IPO4: variants seen among roughly 807,000 people sequenced by gnomAD.
IPO4 encodes the protein importin 4, also known as importin-4.
A neutral mutation model predicts 133.5 loss-of-function variants in IPO4; 91 were observed. The observed-to-expected ratio is 0.68, with a 90% confidence interval of 0.58 to 0.81. IPO4 has a LOEUF of 0.81. Among genes scored for constraint, IPO4 ranks in the 30% least tolerant of loss-of-function variants. The pLI, the probability that IPO4 is intolerant of heterozygous loss-of-function variation, is 0.00. For missense variants in IPO4, 1,279 were observed against 1,386.2 expected, an observed-to-expected ratio of 0.92 and a Z score of 1.23; for synonymous variants, 607 against 581.6, an observed-to-expected ratio of 1.04 and a Z score of -0.63.
rs767137886 is a variant in IPO4 at position 24,182,374 on chromosome 14, G to A, written c.2502C>T (p.His834=). 31 of 1,613,212 alleles carry A rather than the reference G, an allele frequency of 1.9e-5. No homozygotes were observed. Among genetic ancestry groups the A allele is most frequent in the Admixed American group, 1.5e-4 (9 of 59,910 alleles). The part of the protein sequence containing the change: ...QAEYDAMLLE[H]AGEAIPALAA... ...CCAGGGCAGGGATGGCCTCTCCAGC[G>A]TGCTCCAGCAACATGGCGTCGTATT... The change falls in exon 25 of 30, where the codon CAC becomes CAT. Residue 834 remains histidine, a synonymous_variant. Coordinates refer to ENST00000354464, the MANE Select transcript of IPO4 (RefSeq NM_024658.4).
chr14:24,182,705 C>T (rs372157398), intron 24 of IPO4, 87 bp downstream of exon 24: 1 of 1,496,980 alleles, frequency 6.7e-7, no homozygotes. Flanking sequence ...CTGGCTGCCC[C>T]AGGCCAAGCC....
rs759282776 is a variant in IPO4, at chr14:24,182,373, C to G, written c.2503G>C (p.Ala835Pro). Residue 835 changes from alanine (A) to proline (P), a missense_variant, in exon 25 of 30, where the codon GCT (alanine) becomes CCT (proline). Around this residue, in one of 3 missense-constraint regions of IPO4, gnomAD observed 575 missense variants for 653.4 expected, o/e 0.88. Coordinates refer to ENST00000354464, the MANE Select transcript of IPO4 (RefSeq NM_024658.4). ...AEYDAMLLEH[A>P]GEAIPALAAA... is the part of the protein sequence containing the mutation. Reference sequence around the variant, plus strand: ...GCCAGGGCAGGGATGGCCTCTCCAGCGTGCTCCAGCAACATGGCGTCGTAT... The same window carrying G: ...GCCAGGGCAGGGATGGCCTCTCCAGGGTGCTCCAGCAACATGGCGTCGTAT... The G allele has an allele frequency of 6.2e-7, 1 of 1,613,184 alleles. No homozygotes were observed.
intron 20 of IPO4, 22 bp downstream of exon 20, chr14:24,183,568 C>T (rs1266002472): frequency 6.2e-6 from 10 of 1,614,024 alleles, no homozygotes; most frequent in African/African-American, 2.7e-5. Flanking sequence ...GTTTTCAGTG[C>T]CAGGGAAGGG....
intron 23 of IPO4, 26 bp from the exon 24 acceptor site, chr14:24,182,868 G>A: frequency 6.2e-7 from 1 of 1,611,824 alleles, no homozygotes; most frequent in Non-Finnish European, 8.5e-7. Context: ...CAACTTAGCG[G>A]AGCTTTCACG....
chr14:24,182,170 G>A lies in IPO4; in HGVS notation c.2599-7C>T. ...CCACTGTGCAGCCCTGTTTCTGATG[G>A]GGGAGAACAGGAAGGAGTACAGATC... On this transcript the variant is annotated splice_polypyrimidine_tract_variant and splice_region_variant and intron_variant, in intron 25 of 29. Coordinates refer to ENST00000354464, the MANE Select transcript of IPO4 (RefSeq NM_024658.4). The A allele has an allele frequency of 6.2e-7, 1 of 1,614,014 alleles. No individual in the cohort carries two copies. Among genetic ancestry groups the A allele is most frequent in the South Asian group, 1.1e-5 (1 of 91,082 alleles).
Position 24,183,839 on chromosome 14 carries a change from T to C in IPO4, c.1929A>G (p.Glu643=), listed in dbSNP as rs1594439468. ...CATCCTCATCCATGAGCTCCTCCTC[T>C]TCTTCCCCATCACTCTCATCGTCAA... ...LLFDDESDGE[E]EEELMDEDVE... Residue 643 remains glutamate, a synonymous_variant, in exon 19 of 30, where the codon GAA becomes GAG. Coordinates refer to ENST00000354464, the MANE Select transcript of IPO4 (RefSeq NM_024658.4). 1 of 1,614,108 alleles carries C rather than the reference T, an allele frequency of 6.2e-7. No homozygotes were observed. Among genetic ancestry groups the C allele is most frequent in the Non-Finnish European group, 8.5e-7 (1 of 1,180,012 alleles).
At position 24,184,920 on chromosome 14, in the gene IPO4, T is replaced by A. The variant is rs765613556; in HGVS notation, c.1469A>T (p.Asn490Ile). The A allele has an allele frequency of 6.2e-7, 1 of 1,613,808 alleles. No individual in the cohort carries two copies. The highest frequency in any genetic ancestry group is 8.5e-7 in the Non-Finnish European group (1 of 1,179,974). The change falls in exon 15 of 30, where the codon AAC becomes ATC. Residue 490 changes from asparagine (N) to isoleucine (I), a missense_variant. Around this residue, in one of 3 missense-constraint regions of IPO4, gnomAD observed 695 missense variants for 704.1 expected, o/e 0.99. Transcript: ENST00000354464. ...LMECMLQLLR[N>I]PSSPRAKELA... The stretch of plus-strand genomic sequence containing the variant: ...CTCCTTGGCCCGGGGACTGCTGGGG[T>A]TCCTCAGAAGCTGCAGCATGCATTC...
At chr14:24,184,237 G>A in intron 17 of IPO4, 61 bp downstream of exon 17, 1 of 1,563,662 alleles carries the variant, frequency 6.4e-7, no homozygotes, top group Non-Finnish European at 8.7e-7. Context: ...ATTCCAGTGG[G>A]TCCAGTGGGA....
At position 24,186,997 on chromosome 14, in the gene IPO4, C is replaced by A. The variant is rs769317223; in HGVS notation, c.655-18G>T. 1.9e-6 allele frequency: 3 copies of A among 1,613,178 alleles called. No homozygotes were observed. The highest frequency in any genetic ancestry group is 2.7e-5 in the African/African-American group (2 of 74,902). ...GCCTTTGCCTGACAGACAAACAAGG[C>A]ACAAGGTTACCATGCTCTTCTTCAG... On this transcript the variant is annotated intron_variant, in intron 7 of 29. Transcript: ENST00000354464.
chr14:24,183,282 C>T lies in IPO4; in HGVS notation c.2195G>A (p.Cys732Tyr). ...GQFCCALHKA[C>Y]QSCPSEPNTA... ...GTTGGGTTCCGAGGGGCAGCTTTGA[C>T]AGGCCTTGTGCAGTGCACAGCAAAA... Residue 732 changes from cysteine to tyrosine, a missense_variant, in exon 22 of 30, where the codon TGT becomes TAT. By Grantham distance (194) the Cys-to-Tyr change is radical (BLOSUM62 -2). Coordinates refer to ENST00000354464, the MANE Select transcript of IPO4 (RefSeq NM_024658.4). 2 of 1,613,632 alleles carry T rather than the reference C, an allele frequency of 1.2e-6. No homozygotes were observed. Among genetic ancestry groups the T allele is most frequent in the Non-Finnish European group, 8.5e-7 (1 of 1,179,828 alleles).
rs1275390818 is a variant in IPO4, at chr14:24,188,390, G to T, written c.190C>A (p.Arg64=). 6.2e-7 allele frequency: 1 copy of T among 1,612,758 alleles called. No homozygotes were observed. The highest frequency in any genetic ancestry group is 1.1e-5 in the South Asian group (1 of 91,078). Residue 64 remains arginine (R), a synonymous_variant, in exon 3 of 30, where the codon CGA becomes AGA. Coordinates refer to ENST00000354464, the MANE Select transcript of IPO4 (RefSeq NM_024658.4). The stretch of plus-strand genomic sequence containing the variant: ...AGCCGTCGCCAGCGGGTGTTCAGTC[G>T]TCTGCGGGTCAGCACGGCCGCAAAC... ...RQFAAVLTRR[R]LNTRWRRLAA... is the part of the protein sequence containing the mutation.
intron 2 of IPO4, 21 bp downstream of exon 2, chr14:24,188,531 G>T: frequency 6.2e-7 from 1 of 1,610,484 alleles, no homozygotes; most frequent in Non-Finnish European, 8.5e-7. Flanking sequence ...GAAGCTCGGA[G>T]GGGAGAGTCA....
At position 24,188,573 on chromosome 14, in the gene IPO4, T is replaced by A. The variant is rs966251694; in HGVS notation, c.135A>T (p.Leu45=). The change falls in exon 2 of 30, where the codon CTA becomes CTT. Residue 45 remains leucine, a synonymous_variant. Coordinates refer to ENST00000354464, the MANE Select transcript of IPO4 (RefSeq NM_024658.4). ...PAALPALCDL[L]ASAADPQIRQ... ...TCACCTGGGGGTCGGCCGCCGAGGC[T>A]AGCAGGTCGCAGAGAGCCGGCAAAG... The A allele has an allele frequency of 1.9e-6, 3 of 1,612,750 alleles. No homozygotes were observed. The highest frequency in any genetic ancestry group is 2.5e-6 in the Non-Finnish European group (3 of 1,179,614).
chr14:24,182,655 G>T, intron 24 of IPO4, 137 bp downstream of exon 24: 1 of 1,075,826 alleles, frequency 9.3e-7, no homozygotes, highest in Non-Finnish European at 1.4e-6. Flanking sequence ...TGGGATCAGG[G>T]TTGTATCCCT....
rs2039146411 is a variant in IPO4 at position 24,182,026 on chromosome 14, G to T, written c.2736C>A (p.Asp912Glu). The change falls in exon 26 of 30, where the codon GAC (aspartate) becomes GAA (glutamate). Residue 912 changes from aspartate (D) to glutamate (E), a missense_variant. Physicochemically the swap from Asp to Glu is conservative, Grantham distance 45. Transcript: ENST00000354464. ...AGATGGCATTGCTTCGCACCTCGGG[G>T]TCTGCCTCTTGGGCGGTGCTCAACA... ...PVLLSTAQEADPEVRSNAIFG... is the reference protein window; with the variant it reads ...PVLLSTAQEAEPEVRSNAIFG... 6.2e-7 allele frequency: 1 copy of T among 1,613,488 alleles called. No homozygotes were observed. The highest frequency in any genetic ancestry group is 8.5e-7 in the Non-Finnish European group (1 of 1,180,034).
At chr14:24,182,876 A>C in intron 23 of IPO4, 34 bp from the exon 24 acceptor site, 2 of 1,603,318 alleles carry the variant, frequency 1.2e-6, no homozygotes, top group Non-Finnish European at 1.7e-6. Context: ...CGGAGCTTTC[A>C]CGCCCCTTCT....
At chr14:24,180,857 G>T in intron 28 of IPO4, 99 bp from the exon 29 acceptor site, 2 of 956,688 alleles carry the variant, frequency 2.1e-6, no homozygotes, top group Non-Finnish European at 3.1e-6. Context: ...TATCAGGGGG[G>T]TGGTTGCACC....
At chr14:24,187,237 G>C (rs562350004) in intron 6 of IPO4, 87 bp from the exon 7 acceptor site, 1 of 1,519,814 alleles carries the variant, frequency 6.6e-7, no homozygotes, top group African/African-American at 1.4e-5. Context: ...ATTGCGAGGA[G>C]GAGCCCAGGC....
At chr14:24,182,768 C>T in intron 24 of IPO4, 24 bp downstream of exon 24, 1 of 1,613,900 alleles carries the variant, frequency 6.2e-7, no homozygotes, top group Non-Finnish European at 8.5e-7. Context: ...CCGCCTGGTC[C>T]CCGTTTTTAT....
Sources: gnomAD v4.1 joint callset for allele counts on GRCh38, gnomAD v4.1.1 for gene constraint, gnomAD v4.1.1 regional missense constraint, MANE v1.5 for transcripts, NCBI Gene and HGNC (gene_info 2026-07-23, HGNC 2026-07-21) for gene names.